The following PTPRR variants were observed in gnomAD, a reference collection of about 807,000 sequenced individuals.
PTPRR encodes the protein receptor-type tyrosine-protein phosphatase R.
A neutral mutation model predicts 77.2 loss-of-function variants in PTPRR; 38 were observed. The observed-to-expected ratio is 0.49, with a 90% CI of 0.38 to 0.65. PTPRR has a LOEUF of 0.65. Among genes scored for constraint, PTPRR ranks in the 30% least tolerant of loss-of-function variants. The pLI, the probability that PTPRR is intolerant of heterozygous loss-of-function variation, is 0.00. For missense variants in PTPRR, 744 were observed against 799.2 expected, an observed-to-expected ratio of 0.93 and a Z score of 0.83; for synonymous variants, 299 against 283.1, an observed-to-expected ratio of 1.06 and a Z score of -0.57.
intron 13 of PTPRR, among the ~76,000 whole-genome samples, chr12:70,654,328 G>A (rs978529429): frequency 7.2e-5 from 11 of 152,078 alleles, no homozygotes; most frequent in Admixed American, 4.6e-4. Context: ...CTACAATCCC[G>A]GCACTTTGGG....
At chr12:70,873,581 A>G (rs1010098991) in intron 2 of PTPRR, among the ~76,000 whole-genome samples, 3 of 152,152 alleles carry the variant, frequency 2.0e-5, no homozygotes, top group Non-Finnish European at 2.9e-5. Context: ...CTCACTGTGG[A>G]TGAATCTATG....
intron 2 of PTPRR, among the ~76,000 whole-genome samples, chr12:70,768,646 C>T (rs1228154443): frequency 6.6e-6 from 1 of 152,166 alleles, no homozygotes. Context: ...GGAATCCTCC[C>T]TAACTCATTT....
chr12:70,823,984 G>A (rs1264952889), intron 2 of PTPRR, among the ~76,000 whole-genome samples: 1 of 152,178 alleles, frequency 6.6e-6, no homozygotes, highest in African/African-American at 2.4e-5. Flanking sequence ...ACAAGGGGAA[G>A]GTATGAGTCA....
chr12:70,891,971 A>T (rs1394172156), intron 2 of PTPRR, among the ~76,000 whole-genome samples: 1 of 152,028 alleles, frequency 6.6e-6, no homozygotes, highest in East Asian at 1.9e-4. Flanking sequence ...ATGATGTTAA[A>T]CCAGAGAGTG....
chr12:70,847,550 G>A (rs1413734314), intron 2 of PTPRR, among the ~76,000 whole-genome samples: 1 of 152,144 alleles, frequency 6.6e-6, no homozygotes, highest in East Asian at 1.9e-4. Flanking sequence ...TTTGCTTGGT[G>A]AGGTTAAATT....
intron 2 of PTPRR, among the ~76,000 whole-genome samples, chr12:70,792,781 A>G (rs1464746816): frequency 6.6e-6 from 1 of 152,168 alleles, no homozygotes; most frequent in African/African-American, 2.4e-5. Flanking sequence ...AGTAAACTCA[A>G]ATGAACTTGT....
chr12:70,911,761 A>AC (rs1893703704), intron 1 of PTPRR, among the ~76,000 whole-genome samples: 1 of 151,710 alleles, frequency 6.6e-6, no homozygotes, highest in Non-Finnish European at 1.5e-5. Flanking sequence ...AAAAAAAAAA[A>AC]AAAAAACCAC....
chr12:70,836,608 C>T (rs759367788), intron 2 of PTPRR, among the ~76,000 whole-genome samples: 1 of 151,994 alleles, frequency 6.6e-6, no homozygotes, highest in Admixed American at 6.6e-5. Context: ...GTTCAACTCA[C>T]ACTGACCTTG....
At chr12:70,894,616 A>C (rs3863373) in intron 1 of PTPRR, among the ~76,000 whole-genome samples, 92,154 of 151,450 alleles carry the variant, frequency 0.61, 28,408 homozygotes, top group Non-Finnish European at 0.67. Context: ...TAGTAAAATA[A>C]TAAATACACA....
chr12:70,881,335 A>G (rs143796466), intron 2 of PTPRR, among the ~76,000 whole-genome samples: 96 of 152,274 alleles, frequency 6.3e-4, no homozygotes, highest in African/African-American at 2.2e-3. Context: ...TCATCCTAAC[A>G]CATATTATTC....
intron 10 of PTPRR, among the ~76,000 whole-genome samples, chr12:70,674,898 A>C (rs947767613): frequency 1.3e-5 from 2 of 151,990 alleles, no homozygotes; most frequent in Non-Finnish European, 2.9e-5. Context: ...AATGCTTCAG[A>C]TATTTGGGGG....
chr12:70,876,336 T>C (rs1218935324), intron 2 of PTPRR, among the ~76,000 whole-genome samples: 2 of 152,160 alleles, frequency 1.3e-5, no homozygotes, highest in African/African-American at 4.8e-5. Flanking sequence ...ATGATTATCA[T>C]AGCAATTTTG....
At chr12:70,698,387 A>G (rs1161252017) in intron 7 of PTPRR, 38 bp from the exon 8 acceptor site, 1 of 1,548,224 alleles carries the variant, frequency 6.5e-7, no homozygotes, top group African/African-American at 1.4e-5. Flanking sequence ...TGTATCTAAT[A>G]CTGCCACAAA....
chr12:70,768,699 A>G (rs1256657363), intron 2 of PTPRR, among the ~76,000 whole-genome samples: 1 of 152,196 alleles, frequency 6.6e-6, no homozygotes, highest in Non-Finnish European at 1.5e-5. Flanking sequence ...GGGCAGAGAT[A>G]CAACAAAAAA....
chr12:70,775,197 A>AG (rs891314170), intron 2 of PTPRR, among the ~76,000 whole-genome samples: 10 of 124,542 alleles, frequency 8.0e-5, no homozygotes, highest in African/African-American at 4.3e-4. Context: ...ATAAACATAC[A>AG]GAAAAAACAT....
In PTPRR at chr12:70,665,364, C is replaced by CTTTTTTTTTTTTTTTTTTTTT. The variant is rs72472808; in HGVS notation, c.1498-2780_1498-2760dup. Among the ~76,000 whole-genome samples the CTTTTTTTTTTTTTTTTTTTTT allele has an allele frequency of 9.0e-5, 4 of 44,562 alleles. 1 individual carries two copies. Among genetic ancestry groups the CTTTTTTTTTTTTTTTTTTTTT allele is most frequent in the Non-Finnish European group, 1.8e-4 (4 of 22,412 alleles). The allele number at this position is 44,562 out of a possible 152,430, so 29.2% of individuals were successfully genotyped here. On this transcript the variant is annotated intron_variant, in intron 10 of 13. Transcript: ENST00000283228. ...GATGTAACACAAAGCAATGCAAATT[C>CTTTTTTTTTTTTTTTTTTTTT]TTTTTTTTTTTTTTTTTTTTTTTTT...
In PTPRR at chr12:70,892,875, A is replaced by C. The variant is rs1255782646; in HGVS notation, c.161T>G (p.Leu54Arg). ...GTAGATTTTTTGTGGGGCTATATCC[A>C]GGCTCTTCTCAATGTCTTGTGAATG... The part of the protein sequence containing the change: ...YKHSQDIEKS[L>R]DIAPQKIYRH... The change falls in exon 2 of 14, where the codon CTG becomes CGG. Residue 54 changes from leucine to arginine, a missense_variant. Leu to Arg is a moderately radical substitution (Grantham distance 102, BLOSUM62 -2). Around this residue, in one of 3 missense-constraint regions of PTPRR, gnomAD observed 570 missense variants for 573.2 expected, o/e 0.99. Coordinates refer to ENST00000283228, the MANE Select transcript of PTPRR (RefSeq NM_002849.4). 1 of 1,613,608 alleles carries C rather than the reference A, an allele frequency of 6.2e-7. No homozygotes were observed. The highest frequency in any genetic ancestry group is 1.7e-5 in the Admixed American group (1 of 59,944).
intron 2 of PTPRR, among the ~76,000 whole-genome samples, chr12:70,788,061 T>C (rs1425099583): frequency 6.6e-6 from 1 of 152,198 alleles, no homozygotes; most frequent in Non-Finnish European, 1.5e-5. Flanking sequence ...TAAAGTTAAG[T>C]GGAATAAACA....
At chr12:70,817,203 A>C (rs532437909) in intron 2 of PTPRR, among the ~76,000 whole-genome samples, 2 of 152,336 alleles carry the variant, frequency 1.3e-5, no homozygotes, top group South Asian at 4.1e-4. Context: ...GCAGCCCACA[A>C]ACACTTTAAT....
Sources: allele counts gnomAD v4.1 joint callset (sites outside exome capture counted in the v4.1 genomes callset), GRCh38; gene constraint gnomAD v4.1.1; regional missense constraint gnomAD v4.1.1; transcripts MANE v1.5; gene names NCBI Gene and HGNC (gene_info 2026-07-23, HGNC 2026-07-21).